Variants in RNF111 observed in about 807,000 individuals in gnomAD.
RNF111 encodes E3 ubiquitin-protein ligase Arkadia.
RNF111 carries 17 observed loss-of-function variants against 95.1 expected under a neutral mutation model. That is an observed-to-expected ratio of 0.18 (90% CI 0.12 to 0.27). The LOEUF (loss-of-function observed/expected upper bound fraction) is 0.27. Among genes scored for constraint, RNF111 ranks in the 10% least tolerant of loss-of-function variants. RNF111 has a pLI of 1.00. For synonymous variants in RNF111, 440 were observed against 414.8 expected, an observed-to-expected ratio of 1.06 and a Z score of -0.74; for missense variants, 1,189 against 1,210.4, an observed-to-expected ratio of 0.98 and a Z score of 0.26.
At position 59,095,048 on chromosome 15, in the gene RNF111, C is replaced by T; in HGVS notation, c.*148C>T. On this transcript the variant is annotated 3_prime_UTR_variant, in exon 14 of 14. Transcript: ENST00000348370. The stretch of plus-strand genomic sequence containing the variant: ...GCTATATGGTACAACTAATGCTAGA[C>T]CTACAGTTTATGTATACAGTTGATT... 1 of 682,128 alleles carries T rather than the reference C, an allele frequency of 1.5e-6. No homozygotes were observed. Among genetic ancestry groups the T allele is most frequent in the East Asian group, 2.7e-5 (1 of 36,426 alleles). 42.3% of individuals were successfully genotyped at this position (682,128 alleles called of 1,614,324 possible).
intron 5 of RNF111, among the ~76,000 whole-genome samples, chr15:59,061,263 C>T (rs2042425273): frequency 1.3e-5 from 2 of 152,132 alleles, no homozygotes; most frequent in South Asian, 4.1e-4. Context: ...GGTCAATTTC[C>T]TTCCAGGACC....
At chr15:59,041,755 G>T (rs2041461452) in intron 2 of RNF111, among the ~76,000 whole-genome samples, 1 of 152,086 alleles carries the variant, frequency 6.6e-6, no homozygotes, top group Non-Finnish European at 1.5e-5. Flanking sequence ...ACCGGCAAGG[G>T]TGCCTGTTTT....
At chr15:59,087,103 C>A (rs1596309577) in intron 10 of RNF111, among the ~76,000 whole-genome samples, 2 of 152,156 alleles carry the variant, frequency 1.3e-5, no homozygotes, top group South Asian at 4.1e-4. Context: ...GTTGAATGTC[C>A]AATAGGAAGT....
intron 1 of RNF111, among the ~76,000 whole-genome samples, chr15:59,028,205 C>G (rs2040721968): frequency 6.6e-6 from 1 of 152,130 alleles, no homozygotes; most frequent in Non-Finnish European, 1.5e-5. Context: ...GTAGATTTGC[C>G]TATTCCAGAC....
At chr15:59,006,648 C>A (rs2039552272) in intron 1 of RNF111, among the ~76,000 whole-genome samples, 1 of 152,136 alleles carries the variant, frequency 6.6e-6, no homozygotes, top group Non-Finnish European at 1.5e-5. Context: ...CTCCAACCGT[C>A]CATCAACCAA....
chr15:59,078,165 A>G (rs1475738211), intron 7 of RNF111, among the ~76,000 whole-genome samples: 3 of 152,176 alleles, frequency 2.0e-5, no homozygotes, highest in African/African-American at 7.2e-5. Flanking sequence ...GTAAAATGGG[A>G]ATAATTCCTA....
intron 2 of RNF111, among the ~76,000 whole-genome samples, chr15:59,045,468 C>T (rs562818078): frequency 6.6e-6 from 1 of 151,998 alleles, no homozygotes; most frequent in Non-Finnish European, 1.5e-5. Context: ...GGATTACAGG[C>T]GTGAGACACT....
At chr15:59,026,927 C>T (rs1462955217) in intron 1 of RNF111, among the ~76,000 whole-genome samples, 4 of 152,186 alleles carry the variant, frequency 2.6e-5, no homozygotes, top group African/African-American at 7.2e-5. Context: ...CCCTTGCTCT[C>T]CTCTACCCTT....
intron 6 of RNF111, among the ~76,000 whole-genome samples, chr15:59,075,169 A>G (rs1203535842): frequency 6.6e-6 from 1 of 152,242 alleles, no homozygotes; most frequent in Non-Finnish European, 1.5e-5. Flanking sequence ...TGACACAGAC[A>G]CAGAGTTTCC....
chr15:59,014,752 T>A (rs1415761993), intron 1 of RNF111, among the ~76,000 whole-genome samples: 1 of 151,536 alleles, frequency 6.6e-6, no homozygotes, highest in African/African-American at 2.4e-5. Context: ...TAACAGGAAT[T>A]GCAGACTTTT....
chr15:59,026,536 T>G (rs2040619672), intron 1 of RNF111, among the ~76,000 whole-genome samples: 1 of 152,226 alleles, frequency 6.6e-6, no homozygotes, highest in African/African-American at 2.4e-5. Context: ...GTAAATTAGA[T>G]CAGCCAATAA....
At chr15:59,001,478 A>T (rs2039321306) in intron 1 of RNF111, among the ~76,000 whole-genome samples, 2 of 152,048 alleles carry the variant, frequency 1.3e-5, no homozygotes, top group South Asian at 4.2e-4. Flanking sequence ...TTGGAGGGAG[A>T]TTTGAAATAA....
chr15:59,028,142 C>A (rs986034822), intron 1 of RNF111, among the ~76,000 whole-genome samples: 10 of 152,162 alleles, frequency 6.6e-5, no homozygotes, highest in Admixed American at 3.3e-4. Context: ...TTTCGGCCAT[C>A]ATAGTTGAAT....
rs1327920218 is a variant in RNF111 at position 59,031,402 on chromosome 15, G to C, written c.580G>C (p.Gly194Arg). Residue 194 changes from glycine to arginine, a missense_variant, in exon 2 of 14, where the codon GGA becomes CGA. Coordinates refer to ENST00000348370, the MANE Select transcript of RNF111 (RefSeq NM_017610.8). ...TCGGACTGAGACAGAATCTGTATCG[G>C]GATTGTTAATGAAAAGACCCTGTTT... ...WPRTETESVS[G>R]LLMKRPCLHG... 6.2e-7 allele frequency: 1 copy of C among 1,614,022 alleles called. No homozygotes were observed. Among genetic ancestry groups the C allele is most frequent in the Non-Finnish European group, 8.5e-7 (1 of 1,180,030 alleles).
At chr15:59,041,648 T>A (rs555965133) in intron 2 of RNF111, among the ~76,000 whole-genome samples, 8 of 152,370 alleles carry the variant, frequency 5.3e-5, no homozygotes, top group African/African-American at 1.7e-4. Flanking sequence ...AATAGTATTC[T>A]AGAAGGCAGT....
At chr15:58,990,029 A>G (rs1477513435) in intron 1 of RNF111, among the ~76,000 whole-genome samples, 1 of 152,230 alleles carries the variant, frequency 6.6e-6, no homozygotes, top group East Asian at 1.9e-4. Context: ...CAGTTAAAAT[A>G]TGTTATAACT....
intron 2 of RNF111, among the ~76,000 whole-genome samples, chr15:59,046,565 C>T (rs1177197858): frequency 6.6e-6 from 1 of 152,134 alleles, no homozygotes; most frequent in Non-Finnish European, 1.5e-5. Flanking sequence ...TGTTGTCTGA[C>T]ACAGAAATTA....
rs148014056 is a variant in RNF111, at chr15:59,039,785, T to G, written c.880+8083T>G. Among the ~76,000 whole-genome samples the G allele has an allele frequency of 7.0e-3, 1,058 of 151,910 alleles. 9 individuals are homozygous for G. Among genetic ancestry groups the G allele is most frequent in the African/African-American group, 0.025 (1,016 of 41,416 alleles). On this transcript the variant is annotated intron_variant, in intron 2 of 13. Transcript: ENST00000348370. The stretch of plus-strand genomic sequence containing the variant: ...AGGCTGGAGTGCAGTGGTGCGATAT[T>G]GGCTCAGTACAACCTCTGCCTCCCA...
chr15:59,001,237 G>T (rs2039311410), intron 1 of RNF111, among the ~76,000 whole-genome samples: 1 of 151,986 alleles, frequency 6.6e-6, no homozygotes, highest in African/African-American at 2.4e-5. Context: ...GTGAGGAGGA[G>T]AATGGTGGTC....
Sources: gnomAD v4.1 joint callset for allele counts (sites outside exome capture counted in the v4.1 genomes callset) on GRCh38, gnomAD v4.1.1 for gene constraint, MANE v1.5 for transcripts, NCBI Gene and HGNC (gene_info 2026-07-23, HGNC 2026-07-21) for gene names.